The following FSIP1 variants were observed in gnomAD, a reference collection of about 807,000 sequenced individuals.
FSIP1 encodes the protein fibrous sheath-interacting protein 1.
A neutral mutation model predicts 60.9 loss-of-function variants in FSIP1; 65 were observed. That is an observed-to-expected ratio of 1.07 (90% confidence interval 0.87 to 1.31). The LOEUF is 1.31. FSIP1 is among the 40% of genes most tolerant of loss of function. The pLI is 0.00. For missense variants in FSIP1, 675 were observed against 665.5 expected (o/e 1.01, Z -0.16); for synonymous variants, 209 against 221.2 (o/e 0.94, Z 0.49).
chr15:39,701,333 T>C (rs1027368081), intron 10 of FSIP1, among the ~76,000 whole-genome samples: 6 of 152,126 alleles, frequency 3.9e-5, no homozygotes, highest in African/African-American at 1.5e-4. Flanking sequence ...AAAATCCACC[T>C]TATTGGCAAA....
At chr15:39,722,083 A>G (rs987988350) in intron 9 of FSIP1, among the ~76,000 whole-genome samples, 6 of 151,936 alleles carry the variant, frequency 3.9e-5, no homozygotes, top group African/African-American at 1.5e-4. Context: ...GCTCCCCATC[A>G]CTCATGTTAC....
chr15:39,621,721 C>A (rs926152022), intron 10 of FSIP1, among the ~76,000 whole-genome samples: 1 of 152,188 alleles, frequency 6.6e-6, no homozygotes, highest in African/African-American at 2.4e-5. Context: ...AGCTCCTTCA[C>A]AATATCAATC....
At chr15:39,684,316 T>C (rs1819309273) in intron 10 of FSIP1, among the ~76,000 whole-genome samples, 1 of 152,156 alleles carries the variant, frequency 6.6e-6, no homozygotes, top group Non-Finnish European at 1.5e-5. Flanking sequence ...ATAAGGAATC[T>C]GGAAAGGTCA....
intron 10 of FSIP1, among the ~76,000 whole-genome samples, chr15:39,670,024 A>T (rs74519673): frequency 0.02 from 3,035 of 152,314 alleles, 81 homozygotes; most frequent in African/African-American, 0.069. Flanking sequence ...GCTTGCTTAT[A>T]GCCAACACTA....
chr15:39,767,173 A>C (rs1055672666), intron 3 of FSIP1, among the ~76,000 whole-genome samples: 1 of 152,124 alleles, frequency 6.6e-6, no homozygotes, highest in African/African-American at 2.4e-5. Context: ...TAGAGGAAAA[A>C]AAGAAAGAGG....
rs182823402 is a variant in FSIP1, at chr15:39,700,283, A to G, written c.1188+13161T>C. 5.3e-5 allele frequency among the ~76,000 whole-genome samples: 8 copies of G among 152,290 alleles called. No individual in the cohort carries two copies. The East Asian group carries it at 1.5e-3, about 29-fold the overall frequency. On this transcript the variant is annotated intron_variant, in intron 10 of 11. Coordinates refer to ENST00000350221, the MANE Select transcript of FSIP1 (RefSeq NM_152597.5). ...TCAATTCTGATTTCACATTTTCCAC[A>G]AAGCCTTTCCAAATCGCTCTGCTAT... is the stretch of plus-strand genomic sequence containing the variant.
intron 10 of FSIP1, among the ~76,000 whole-genome samples, chr15:39,628,179 A>G (rs952531049): frequency 1.1e-4 from 17 of 152,168 alleles, no homozygotes; most frequent in African/African-American, 3.9e-4. Context: ...ACTGTCCAAG[A>G]AGGCAAGAGT....
chr15:39,778,707 TG>T (rs1208855526), intron 1 of FSIP1, among the ~76,000 whole-genome samples: 1 of 152,168 alleles, frequency 6.6e-6, no homozygotes, highest in Non-Finnish European at 1.5e-5. Flanking sequence ...TGAGTGTTCG[TG>T]AGGAGTGCAC....
chr15:39,647,413 A>G (rs576614425), intron 10 of FSIP1, among the ~76,000 whole-genome samples: 24 of 148,894 alleles, frequency 1.6e-4, no homozygotes, highest in African/African-American at 5.7e-4. Context: ...GTCAAAAAAA[A>G]GAGATACAAA....
intron 10 of FSIP1, among the ~76,000 whole-genome samples, chr15:39,703,460 A>G (rs1189334191): frequency 6.6e-6 from 1 of 152,274 alleles, no homozygotes; most frequent in African/African-American, 2.4e-5. Flanking sequence ...GGTAGAATAC[A>G]AAGTATATTT....
Position 39,600,666 on chromosome 15 carries a change from G to T in FSIP1, c.*214C>A. On this transcript the variant is annotated 3_prime_UTR_variant, in exon 12 of 12. Coordinates refer to ENST00000350221, the MANE Select transcript of FSIP1 (RefSeq NM_152597.5). ...ATTAGCAATAAATTTATAAACAATG[G>T]TCCCAGAAATTTTAATGAGCAAAAA... 2.1e-6 allele frequency: 1 copy of T among 481,414 alleles called. No individual in the cohort carries two copies. The highest frequency in any genetic ancestry group is 3.7e-6 in the Non-Finnish European group (1 of 273,218). 29.8% of individuals were successfully genotyped at this position (481,414 alleles called of 1,614,324 possible).
chr15:39,779,079 A>C (rs1898159500), intron 1 of FSIP1, among the ~76,000 whole-genome samples: 1 of 152,098 alleles, frequency 6.6e-6, no homozygotes. Context: ...AACCTGAGAA[A>C]CTGGGGAAAT....
At chr15:39,680,306 G>A (rs1401775828) in intron 10 of FSIP1, among the ~76,000 whole-genome samples, 1 of 152,220 alleles carries the variant, frequency 6.6e-6, no homozygotes, top group Non-Finnish European at 1.5e-5. Context: ...TTCTTAGAGT[G>A]TATTTATTCA....
chr15:39,770,511 A>G lies in FSIP1; in HGVS notation c.226T>C (p.Cys76Arg). 1 of 1,612,032 alleles carries G rather than the reference A, an allele frequency of 6.2e-7. No homozygotes were observed. Among genetic ancestry groups the G allele is most frequent in the Non-Finnish European group, 8.5e-7 (1 of 1,179,648 alleles). ...TCAGCCAATTTTATTTTCTCAGAGC[A>G]GCTTTCCTGCTTATCATCATTACTA... ...RTSNDDKQES[C>R]SEKIKLAEEG... Residue 76 changes from cysteine (C) to arginine (R), a missense_variant, in exon 3 of 12, where the codon TGC (cysteine) becomes CGC (arginine). Physicochemically the swap from Cys to Arg is radical, Grantham distance 180. Coordinates refer to ENST00000350221, the MANE Select transcript of FSIP1 (RefSeq NM_152597.5).
chr15:39,716,350 A>G (rs996939966), intron 9 of FSIP1, among the ~76,000 whole-genome samples: 25 of 152,230 alleles, frequency 1.6e-4, no homozygotes, highest in African/African-American at 5.5e-4. Context: ...AAAGAAAAAA[A>G]TTATAAGTTG....
At chr15:39,636,047 C>T (rs11852649) in intron 10 of FSIP1, among the ~76,000 whole-genome samples, 27,563 of 152,092 alleles carry the variant, frequency 0.18, 3,045 homozygotes, top group East Asian at 0.32. Flanking sequence ...TCTCCATACC[C>T]ATGATATATC....
intron 10 of FSIP1, among the ~76,000 whole-genome samples, chr15:39,675,459 A>C (rs1893900189): frequency 6.6e-6 from 1 of 152,226 alleles, no homozygotes. Context: ...TCTATTTGAG[A>C]AAATGCAGAA....
chr15:39,662,718 TGA>T (rs1491469453), intron 10 of FSIP1, among the ~76,000 whole-genome samples: 1 of 70,104 alleles, frequency 1.4e-5, no homozygotes, highest in Non-Finnish European at 4.1e-5. Flanking sequence ...ACTAAGTCAC[TGA>T]AAAAAAAAAA....
chr15:39,698,314 A>C (rs78210486), intron 10 of FSIP1, among the ~76,000 whole-genome samples: 2,347 of 152,160 alleles, frequency 0.015, 52 homozygotes, highest in African/African-American at 0.054. Flanking sequence ...TGACTAGCAG[A>C]AGATTTAAAA....
Sources: allele counts gnomAD v4.1 joint callset (sites outside exome capture counted in the v4.1 genomes callset), GRCh38; gene constraint gnomAD v4.1.1; transcripts MANE v1.5; gene names NCBI Gene and HGNC (gene_info 2026-07-23, HGNC 2026-07-21).